The following KIF13A variants were observed in gnomAD, a reference collection of about 807,000 sequenced individuals.
KIF13A encodes the protein kinesin family member 13A.
Under a neutral mutation model 212.2 loss-of-function variants are expected in KIF13A, and 79 were observed. The ratio of observed to expected loss-of-function variants is 0.37; its 90% confidence interval spans 0.31 to 0.45. The LOEUF (loss-of-function observed/expected upper bound fraction) is 0.45. KIF13A is among the 20% of genes least tolerant of loss of function. KIF13A has a pLI of 1.00. For synonymous variants in KIF13A, 789 were observed against 808.6 expected, an observed-to-expected ratio of 0.98 and a Z score of 0.41; for missense variants, 1,901 against 2,209.0, an observed-to-expected ratio of 0.86 and a Z score of 2.79.
At chr6:17,766,580 G>T (rs374296094) in intron 38 of KIF13A, among the ~76,000 whole-genome samples, 1 of 151,858 alleles carries the variant, frequency 6.6e-6, no homozygotes, top group African/African-American at 2.4e-5. Flanking sequence ...TACAGACAGG[G>T]GTCCTGCTCT....
At chr6:17,976,425 C>T (rs1780491967) in intron 2 of KIF13A, among the ~76,000 whole-genome samples, 2 of 152,238 alleles carry the variant, frequency 1.3e-5, no homozygotes, top group Admixed American at 6.5e-5. Context: ...CAGCCGCTGG[C>T]CCGGGTGCTA....
intron 2 of KIF13A, among the ~76,000 whole-genome samples, chr6:17,964,056 TAC>T (rs928560650): frequency 3.3e-5 from 5 of 152,156 alleles, no homozygotes; most frequent in African/African-American, 1.2e-4. Context: ...GGTTCGTGGT[TAC>T]AGTGAGCTAT....
chr6:17,950,349 C>T lies in KIF13A; in HGVS notation c.146+36705G>A, dbSNP rs149833429. 4 of 924,852 alleles carry T rather than the reference C, an allele frequency of 4.3e-6. No individual in the cohort carries two copies. In the African/African-American group the frequency reaches 7.1e-5, roughly 17 times the overall value. The allele number at this position is 924,852 out of a possible 1,614,324, so 57.3% of individuals were successfully genotyped here. ...GGATTTAAACAAATCTAAGCACAAA[C>T]CTTATATATTTGGTTAGAGGAAAAG... On this transcript the variant is annotated intron_variant, in intron 2 of 38. Transcript: ENST00000259711.
chr6:17,940,187 T>A (rs770345155), intron 2 of KIF13A, among the ~76,000 whole-genome samples: 2 of 152,074 alleles, frequency 1.3e-5, no homozygotes, highest in African/African-American at 4.8e-5. Flanking sequence ...TCCTCCTTTT[T>A]CCTCCTCTTC....
chr6:17,759,577 G>A (rs1398782707), downstream of KIF13A: 1 of 152,126 alleles, frequency 6.6e-6, no homozygotes, highest in African/African-American at 2.4e-5. Context: ...GGCATCTACA[G>A]AATAGGTACA....
intron 4 of KIF13A, among the ~76,000 whole-genome samples, chr6:17,868,993 A>T (rs1401804728): frequency 8.8e-6 from 1 of 113,660 alleles, no homozygotes; most frequent in East Asian, 2.1e-4. Context: ...CCCTCTCAAA[A>T]AAAAAAAAAA....
chr6:17,839,785 C>T lies in KIF13A; in HGVS notation c.831-2202G>A, dbSNP rs892449450. On this transcript the variant is annotated intron_variant, in intron 9 of 38. Coordinates refer to ENST00000259711, the MANE Select transcript of KIF13A (RefSeq NM_022113.6). This position sits in a 1 kb window ranked among gnomAD's most constrained non-coding sequence, Gnocchi z 4.3. ...AGACTGGAGTGATGCATCTACAAGA[C>T]AGGGAACGCCGAGGATTGATGGCCC... Among the ~76,000 whole-genome samples the T allele has an allele frequency of 1.3e-5, 2 of 152,238 alleles. No homozygotes were observed. Among genetic ancestry groups the T allele is most frequent in the East Asian group, 1.9e-4 (1 of 5,184 alleles).
At chr6:17,939,354 G>A (rs970899008) in intron 2 of KIF13A, among the ~76,000 whole-genome samples, 7 of 152,172 alleles carry the variant, frequency 4.6e-5, no homozygotes, top group Admixed American at 3.9e-4. Context: ...ATAATTATAA[G>A]TTATACTGTT....
Position 17,987,528 on chromosome 6 carries a change from C to CGCG in KIF13A, c.-66_-65insCGC. On this transcript the variant is annotated 5_prime_UTR_variant, in exon 1 of 39. Coordinates refer to ENST00000259711, the MANE Select transcript of KIF13A (RefSeq NM_022113.6). The surrounding 1 kb of genome is among the most constrained non-coding windows in gnomAD (Gnocchi z 7.7). Reference sequence around the variant, plus strand: ...GCCTTAGGCGGCCCCTCACGCGCGGCGCCGCCGCCGCTGCAGCCGCGCGCC... The same window carrying CGCG: ...GCCTTAGGCGGCCCCTCACGCGCGGCGCGGCCGCCGCCGCTGCAGCCGCGCGCC... The CGCG allele has an allele frequency of 1.1e-6, 1 of 917,278 alleles. No homozygotes were observed. Among genetic ancestry groups the CGCG allele is most frequent in the Non-Finnish European group, 1.3e-6 (1 of 755,406 alleles). 56.8% of individuals were successfully genotyped at this position (917,278 alleles called of 1,614,324 possible).
chr6:17,820,522 T>C (rs1234641257), intron 16 of KIF13A, among the ~76,000 whole-genome samples: 1 of 152,218 alleles, frequency 6.6e-6, no homozygotes, highest in African/African-American at 2.4e-5. Context: ...CAAGTCGATC[T>C]GACTCTATGA....
intron 2 of KIF13A, chr6:17,950,634 A>C: frequency 1.0e-6 from 1 of 985,264 alleles, no homozygotes; most frequent in Non-Finnish European, 1.2e-6. Flanking sequence ...TTAAAAAGCA[A>C]TAACTATCTC....
In KIF13A at chr6:17,892,167, G is replaced by C. The variant is rs1772122589; in HGVS notation, c.159+6001C>G. ...ACTAGCTCTTCCTTCTTTAGTTTAT[G>C]TTGATTTGATTTTTCATTCACTCAG... On this transcript the variant is annotated intron_variant, in intron 3 of 38. Coordinates refer to ENST00000259711, the MANE Select transcript of KIF13A (RefSeq NM_022113.6). This position sits in a 1 kb window ranked among gnomAD's most constrained non-coding sequence, Gnocchi z 4.7. 6.6e-6 allele frequency among the ~76,000 whole-genome samples: 1 copy of C among 152,164 alleles called. No individual in the cohort carries two copies. Among genetic ancestry groups the C allele is most frequent in the Non-Finnish European group, 1.5e-5 (1 of 68,010 alleles).
chr6:17,874,858 C>T (rs1035603784), intron 3 of KIF13A, among the ~76,000 whole-genome samples: 1 of 151,556 alleles, frequency 6.6e-6, no homozygotes, highest in African/African-American at 2.4e-5. Context: ...TCAGTGAGGA[C>T]ATACAACGTT....
At position 17,849,720 on chromosome 6, in the gene KIF13A, C is replaced by A. The variant is rs915321164; in HGVS notation, c.718-231G>T. Among the ~76,000 whole-genome samples the A allele has an allele frequency of 6.6e-6, 1 of 152,126 alleles. No homozygotes were observed. Among genetic ancestry groups the A allele is most frequent in the Admixed American group, 6.5e-5 (1 of 15,274 alleles). On this transcript the variant is annotated intron_variant, in intron 8 of 38. Coordinates refer to ENST00000259711, the MANE Select transcript of KIF13A (RefSeq NM_022113.6). The surrounding 1 kb of genome is among the most constrained non-coding windows in gnomAD (Gnocchi z 5.7). ...GTTTTGCAGCTGGGTAGCAAGTACA[C>A]CCAGCTTTCTGGAATACAGTCAGAA...
intron 9 of KIF13A, among the ~76,000 whole-genome samples, chr6:17,844,177 T>A (rs973411543): frequency 3.9e-5 from 6 of 152,112 alleles, no homozygotes; most frequent in African/African-American, 9.7e-5. Context: ...TGGAAAAGAA[T>A]ATGGATGGCA....
intron 34 of KIF13A, among the ~76,000 whole-genome samples, chr6:17,775,761 A>C (rs1050015758): frequency 6.6e-6 from 1 of 152,186 alleles, no homozygotes; most frequent in Non-Finnish European, 1.5e-5. Context: ...TATGTTGCCC[A>C]GGCTGGTCTC....
chr6:17,858,154 C>A (rs1446970933), intron 4 of KIF13A, among the ~76,000 whole-genome samples: 1 of 150,006 alleles, frequency 6.7e-6, no homozygotes, highest in African/African-American at 2.5e-5. Context: ...AGAGAGAGAT[C>A]TACAAATGCT....
rs1037211586 is a variant in KIF13A at position 17,871,271 on chromosome 6, C to T, written c.220+2106G>A. On this transcript the variant is annotated intron_variant, in intron 4 of 38. Coordinates refer to ENST00000259711, the MANE Select transcript of KIF13A (RefSeq NM_022113.6). This position sits in a 1 kb window ranked among gnomAD's most constrained non-coding sequence, Gnocchi z 4.4. ...TCAAATACTTATCTCCTCTATGTTC[C>T]ATCTGCTCTCTGGTGCCTTCCCAGA... Among the ~76,000 whole-genome samples, 2 of 152,078 alleles carry T rather than the reference C, an allele frequency of 1.3e-5. No individual in the cohort carries two copies. The highest frequency in any genetic ancestry group is 4.8e-5 in the African/African-American group (2 of 41,390).
At chr6:17,797,723 G>T (rs1298359067) in intron 22 of KIF13A, among the ~76,000 whole-genome samples, 1 of 152,048 alleles carries the variant, frequency 6.6e-6, no homozygotes, top group Non-Finnish European at 1.5e-5. Context: ...GCAACAAAAT[G>T]AGATCCTGTC....
Sources: gnomAD v4.1 joint callset for allele counts (sites outside exome capture counted in the v4.1 genomes callset) on GRCh38, gnomAD v4.1.1 for gene constraint, Gnocchi (gnomAD v3.1) non-coding constraint, MANE v1.5 for transcripts, NCBI Gene and HGNC (gene_info 2026-07-23, HGNC 2026-07-21) for gene names.